The following LRRC8C variants were observed in gnomAD, a reference collection of about 807,000 sequenced individuals.
LRRC8C encodes the protein volume-regulated anion channel subunit LRRC8C.
A neutral mutation model predicts 55.3 loss-of-function variants in LRRC8C; 20 were observed. That is an observed-to-expected ratio of 0.36 (90% CI 0.25 to 0.53). The LOEUF (loss-of-function observed/expected upper bound fraction) is 0.53, where lower values mean the gene tolerates loss of function less well. Among genes scored for constraint, LRRC8C ranks in the 20% least tolerant of loss-of-function variants. The pLI, the probability that LRRC8C is intolerant of heterozygous loss-of-function variation, is 0.92. For synonymous variants in LRRC8C, 376 were observed against 360.7 expected (o/e 1.04, Z -0.48); for missense variants, 659 against 951.4 (o/e 0.69, Z 4.04).
At chr1:89,653,171 G>A (rs949428150) in intron 1 of LRRC8C, among the ~76,000 whole-genome samples, 12 of 152,254 alleles carry the variant, frequency 7.9e-5, no homozygotes, top group African/African-American at 2.9e-4. Flanking sequence ...CAACCTTTTG[G>A]TCTCAGGGCA....
the LRRC8C span, among the ~76,000 whole-genome samples, chr1:89,624,004 C>T: frequency 6.6e-6 from 1 of 152,182 alleles, no homozygotes; most frequent in Non-Finnish European, 1.5e-5. Context: ...GTTTACTACT[C>T]ACTTCAATAG....
chr1:89,686,563 C>T lies in LRRC8C; in HGVS notation c.90C>T (p.Tyr30=). 2 of 1,614,196 alleles carry T rather than the reference C, an allele frequency of 1.2e-6. No homozygotes were observed. The highest frequency in any genetic ancestry group is 1.1e-5 in the South Asian group (1 of 91,082). ...LKPWWDVFTD[Y]LSVAMLMIGV... ...CATGGTGGGATGTGTTTACCGATTA[C>T]CTCTCAGTAGCCATGCTCATGATCG... Residue 30 remains tyrosine (Y), a synonymous_variant, in exon 2 of 3, where the codon TAC becomes TAT. Coordinates refer to ENST00000370454, the MANE Select transcript of LRRC8C (RefSeq NM_032270.5).
chr1:89,651,973 C>G (rs1439761475), intron 1 of LRRC8C, among the ~76,000 whole-genome samples: 1 of 152,136 alleles, frequency 6.6e-6, no homozygotes, highest in African/African-American at 2.4e-5. Context: ...AGCATTTTGT[C>G]AGGAACACTC....
chr1:89,713,865 T>C lies in LRRC8C; in HGVS notation c.1295T>C (p.Met432Thr). 1 of 1,614,218 alleles carries C rather than the reference T, an allele frequency of 6.2e-7. No homozygotes were observed. Among genetic ancestry groups the C allele is most frequent in the South Asian group, 1.1e-5 (1 of 91,082 alleles). The stretch of plus-strand genomic sequence containing the variant: ...AATCGACTGGAATTGCCTCTTATCA[T>C]GCTCTCTGGCCTTCCAGACACTGTT... ...AHNRLELPLI[M>T]LSGLPDTVFE... Residue 432 changes from methionine to threonine, a missense_variant, in exon 3 of 3, where the codon ATG (methionine) becomes ACG (threonine). Met to Thr is a moderately conservative substitution (Grantham distance 81, BLOSUM62 -1). Coordinates refer to ENST00000370454, the MANE Select transcript of LRRC8C (RefSeq NM_032270.5). This position sits in a 1 kb window ranked among gnomAD's most constrained non-coding sequence, Gnocchi z 5.2.
chr1:89,666,147 T>A (rs1398246909), intron 1 of LRRC8C, among the ~76,000 whole-genome samples: 2 of 152,188 alleles, frequency 1.3e-5, no homozygotes, highest in African/African-American at 4.8e-5. Flanking sequence ...AACATATGAC[T>A]GCATTTTGAC....
intron 2 of LRRC8C, among the ~76,000 whole-genome samples, chr1:89,701,301 C>G (rs1658315821): frequency 6.6e-6 from 1 of 151,978 alleles, no homozygotes; most frequent in African/African-American, 2.4e-5. Flanking sequence ...ACGGTGAAAC[C>G]CTGTCTCTAC....
At chr1:89,675,107 A>G (rs903079994) in intron 1 of LRRC8C, among the ~76,000 whole-genome samples, 1 of 152,230 alleles carries the variant, frequency 6.6e-6, no homozygotes, top group African/African-American at 2.4e-5. Flanking sequence ...ATGGAAAGGT[A>G]TTTGAAAAAC....
intron 2 of LRRC8C, among the ~76,000 whole-genome samples, chr1:89,706,013 G>T (rs1241196904): frequency 6.6e-6 from 1 of 151,944 alleles, no homozygotes; most frequent in Non-Finnish European, 1.5e-5. Context: ...ATACTACTAG[G>T]GTTGTTTTTC....
chr1:89,685,757 G>C (rs1657861265), intron 1 of LRRC8C, among the ~76,000 whole-genome samples: 1 of 152,120 alleles, frequency 6.6e-6, no homozygotes, highest in Admixed American at 6.5e-5. Context: ...AGACTGAACT[G>C]TTGTCTCAGC....
Position 89,645,958 on chromosome 1 carries a change from C to CAGATAGATAGATAGATAGATAGATAGAT in LRRC8C, c.-5+12638_-5+12665dup, listed in dbSNP as rs57855698. On this transcript the variant is annotated intron_variant, in intron 1 of 2. Transcript: ENST00000370454. ...ATAGGTAGTTTGGTAGGAAGATGAT[C>CAGATAGATAGATAGATAGATAGATAGAT]AGATAGATAGATAGATAGATAGATA... Among the ~76,000 whole-genome samples, 539 of 150,306 alleles carry CAGATAGATAGATAGATAGATAGATAGAT rather than the reference C, an allele frequency of 3.6e-3. 2 individuals are homozygous for CAGATAGATAGATAGATAGATAGATAGAT. The highest frequency in any genetic ancestry group is 8.2e-3 in the African/African-American group (333 of 40,836).
the LRRC8C span, chr1:89,624,750 T>C: frequency 2.0e-5 from 3 of 152,174 alleles, no homozygotes; most frequent in African/African-American, 7.2e-5. Context: ...AATAACAAAA[T>C]ATTCTATTCT....
intron 1 of LRRC8C, among the ~76,000 whole-genome samples, chr1:89,638,352 A>G (rs575624940): frequency 1.3e-5 from 2 of 152,266 alleles, no homozygotes; most frequent in East Asian, 3.9e-4. Flanking sequence ...TTTTCCATAA[A>G]TTGTAATAAC....
At chr1:89,617,477 T>A in the LRRC8C span, among the ~76,000 whole-genome samples, 1 of 152,244 alleles carries the variant, frequency 6.6e-6, no homozygotes, top group Non-Finnish European at 1.5e-5. Context: ...AGCAGTTTAA[T>A]CATTTTGTGG....
intron 1 of LRRC8C, among the ~76,000 whole-genome samples, chr1:89,641,500 A>G (rs1656453756): frequency 6.6e-6 from 1 of 152,160 alleles, no homozygotes; most frequent in African/African-American, 2.4e-5. Flanking sequence ...TTCTTCATAG[A>G]AGGAGATTGT....
chr1:89,704,702 G>A (rs539324487), intron 2 of LRRC8C, among the ~76,000 whole-genome samples: 1 of 152,180 alleles, frequency 6.6e-6, no homozygotes, highest in South Asian at 2.1e-4. Flanking sequence ...TCAGAGAAAT[G>A]CAAATCAAAA....
rs201804298 is a variant in LRRC8C, at chr1:89,712,746, T to A, written c.176T>A (p.Val59Glu). ...QDKIICLPKR[V>E]QPAQNHSSLS... ...AAGATAATCTGCCTTCCGAAAAGAG[T>A]GCAGCCTGCTCAGAACCACTCTTCC... The change falls in exon 3 of 3, where the codon GTG becomes GAG. Residue 59 changes from valine to glutamate, a missense_variant. Physicochemically the swap from Val to Glu is moderately radical, Grantham distance 121 (BLOSUM62 -2). This residue lies in a region of LRRC8C where 82 missense variants were observed against 71.4 expected (regional missense o/e 1.15). Transcript: ENST00000370454. The A allele has an allele frequency of 6.2e-7, 1 of 1,614,100 alleles. No individual in the cohort carries two copies. The highest frequency in any genetic ancestry group is 8.5e-7 in the Non-Finnish European group (1 of 1,180,028).
chr1:89,667,734 A>G (rs7513941), intron 1 of LRRC8C, among the ~76,000 whole-genome samples: 53,222 of 151,968 alleles, frequency 0.35, 9,291 homozygotes, highest in Admixed American at 0.38. Flanking sequence ...GTGGTTTGCT[A>G]TGTTTTGATA....
the LRRC8C span, among the ~76,000 whole-genome samples, chr1:89,619,139 C>A: frequency 6.6e-6 from 1 of 152,118 alleles, no homozygotes; most frequent in Non-Finnish European, 1.5e-5. Context: ...TTTCAGTAAA[C>A]AATGAAAGTC....
intron 1 of LRRC8C, among the ~76,000 whole-genome samples, chr1:89,653,863 C>A (rs768610364): frequency 6.6e-6 from 1 of 152,122 alleles, no homozygotes; most frequent in South Asian, 2.1e-4. Flanking sequence ...TAATTTCAAT[C>A]CAGCAGTATC....
Sources: gnomAD v4.1 joint callset for allele counts (sites outside exome capture counted in the v4.1 genomes callset) on GRCh38, gnomAD v4.1.1 for gene constraint, gnomAD v4.1.1 regional missense constraint, Gnocchi (gnomAD v3.1) non-coding constraint, MANE v1.5 for transcripts, NCBI Gene and HGNC (gene_info 2026-07-23, HGNC 2026-07-21) for gene names.